MYLK4: variants seen among roughly 807,000 people sequenced by gnomAD.
MYLK4 encodes the protein myosin light chain kinase family member 4.
Under a neutral mutation model 48.1 loss-of-function variants are expected in MYLK4, and 46 were observed. The observed-to-expected ratio is 0.96, with a 90% confidence interval of 0.75 to 1.22. MYLK4 has a LOEUF of 1.22. Among genes scored for constraint, MYLK4 ranks in the 50% most tolerant of loss-of-function variants. The pLI, the probability that MYLK4 is intolerant of heterozygous loss-of-function variation, is 0.00. For missense variants in MYLK4, 451 were observed against 486.1 expected (o/e 0.93, Z 0.68); for synonymous variants, 170 against 180.8 (o/e 0.94, Z 0.48).
chr6:2,765,914 G>C, the MYLK4 span: 1 of 1,455,740 alleles, frequency 6.9e-7, no homozygotes, highest in African/African-American at 1.5e-5. Flanking sequence ...CGAGGGTGAG[G>C]AGGGCGACGA....
chr6:2,723,545 C>T (rs1230665725), intron 2 of MYLK4, among the ~76,000 whole-genome samples: 3 of 152,256 alleles, frequency 2.0e-5, no homozygotes, highest in Admixed American at 6.5e-5. Flanking sequence ...CTCTCGCCCT[C>T]GCTGGCACCC....
At chr6:2,765,414 G>C in the MYLK4 span, 8 of 465,466 alleles carry the variant, frequency 1.7e-5, no homozygotes, top group African/African-American at 1.4e-4. Context: ...CACGCCGCGT[G>C]AGGCGCTGCC....
At chr6:2,687,785 G>C (rs1454770024) in intron 4 of MYLK4, among the ~76,000 whole-genome samples, 2 of 152,202 alleles carry the variant, frequency 1.3e-5, no homozygotes, top group Non-Finnish European at 2.9e-5. Context: ...ACTCCCTGAA[G>C]ACCACTTGCA....
chr6:2,750,661 A>T (rs1764261839), intron 1 of MYLK4, 75 bp downstream of exon 1: 1 of 152,230 alleles, frequency 6.6e-6, no homozygotes, highest in South Asian at 2.1e-4. Context: ...AGTTTGGTAC[A>T]ATTTGTTATT....
intron 2 of MYLK4, among the ~76,000 whole-genome samples, chr6:2,730,034 A>G (rs1010879294): frequency 6.6e-6 from 1 of 152,244 alleles, no homozygotes; most frequent in African/African-American, 2.4e-5. Context: ...TTTCAGATAA[A>G]ATGTCAGTGG....
intron 9 of MYLK4, among the ~76,000 whole-genome samples, chr6:2,678,711 G>GTT (rs11344815): frequency 0.07 from 9,235 of 132,236 alleles, 492 homozygotes; most frequent in Non-Finnish European, 0.083. Context: ...TAGGAGATCA[G>GTT]TTTTTTTTTT....
At chr6:2,740,749 C>G (rs1763872905) in intron 2 of MYLK4, among the ~76,000 whole-genome samples, 1 of 152,240 alleles carries the variant, frequency 6.6e-6, no homozygotes, top group Non-Finnish European at 1.5e-5. Context: ...TAAACTTTAC[C>G]TGTTCCTCAT....
At chr6:2,696,593 C>T (rs1377325213) in intron 2 of MYLK4, among the ~76,000 whole-genome samples, 2 of 152,228 alleles carry the variant, frequency 1.3e-5, no homozygotes, top group Non-Finnish European at 1.5e-5. Flanking sequence ...GCCCCCAGAA[C>T]TGTGAGAAAT....
At chr6:2,700,757 T>C (rs964393815) in intron 2 of MYLK4, among the ~76,000 whole-genome samples, 1 of 152,218 alleles carries the variant, frequency 6.6e-6, no homozygotes, top group African/African-American at 2.4e-5. Flanking sequence ...CCTGAAAGCT[T>C]TCTGCCTTGC....
At chr6:2,709,654 T>C (rs998038118) in intron 2 of MYLK4, among the ~76,000 whole-genome samples, 2 of 152,230 alleles carry the variant, frequency 1.3e-5, no homozygotes, top group African/African-American at 4.8e-5. Flanking sequence ...ACCTATGTGA[T>C]TCCAACATTC....
the MYLK4 span, among the ~76,000 whole-genome samples, chr6:2,757,345 G>A: frequency 6.6e-6 from 1 of 152,144 alleles, no homozygotes; most frequent in African/African-American, 2.4e-5. Flanking sequence ...AACATCTTCA[G>A]TGTGAATGAA....
rs1261045203 is a variant in MYLK4 at position 2,685,384 on chromosome 6, T to G, written c.457A>C (p.Ser153Arg). Residue 153 changes from serine to arginine, a missense_variant, in exon 6 of 13, where the codon AGC (serine) becomes CGC (arginine). Coordinates refer to ENST00000274643, the MANE Select transcript of MYLK4 (RefSeq NM_001012418.5). This position sits in a 1 kb window ranked among gnomAD's most constrained non-coding sequence, Gnocchi z 4.5. ...GCGTGGTCCAGCTGGTTCATGACGC[T>G]GATCTCGTTCTTCACCTCCTCCTGA... is the stretch of plus-strand genomic sequence containing the variant. ...KDKEEVKNEI[S>R]VMNQLDHANL... 1.2e-6 allele frequency: 2 copies of G among 1,613,622 alleles called. No homozygotes were observed.
At chr6:2,677,984 A>G (rs1761141457) in intron 10 of MYLK4, among the ~76,000 whole-genome samples, 1 of 152,212 alleles carries the variant, frequency 6.6e-6, no homozygotes. Flanking sequence ...GCAGGAGTCC[A>G]TGGCTGGTAT....
chr6:2,719,497 A>G (rs547755723), intron 2 of MYLK4, among the ~76,000 whole-genome samples: 2 of 152,336 alleles, frequency 1.3e-5, no homozygotes, highest in African/African-American at 4.8e-5. Context: ...CTACCCAGCT[A>G]CAGAAGGGTC....
At chr6:2,732,166 C>T (rs542917198) in intron 2 of MYLK4, among the ~76,000 whole-genome samples, 50 of 152,286 alleles carry the variant, frequency 3.3e-4, no homozygotes, top group Non-Finnish European at 5.1e-4. Flanking sequence ...CCAGCTTCCA[C>T]GAAATGATAA....
At chr6:2,680,503 C>T (rs1048975888) in intron 7 of MYLK4, 4 of 985,312 alleles carry the variant, frequency 4.1e-6, no homozygotes, top group Non-Finnish European at 4.8e-6. Flanking sequence ...CCAGCCTGTC[C>T]TCTGCACGGC....
chr6:2,724,631 G>A (rs1341463520), intron 2 of MYLK4, among the ~76,000 whole-genome samples: 2 of 152,078 alleles, frequency 1.3e-5, no homozygotes, highest in African/African-American at 2.4e-5. Context: ...CAAGACATTT[G>A]AGCCTACTCC....
At chr6:2,725,593 A>AAGAAAGAAAAAG (rs1561868221) in intron 2 of MYLK4, among the ~76,000 whole-genome samples, 1 of 143,524 alleles carries the variant, frequency 7.0e-6, no homozygotes, top group African/African-American at 2.7e-5. Context: ...AAGAGAAAGA[A>AAGAAAGAAAAAG]AGAAAGAAAG....
intron 2 of MYLK4, among the ~76,000 whole-genome samples, chr6:2,736,651 T>C (rs1426315598): frequency 6.6e-6 from 1 of 152,230 alleles, no homozygotes; most frequent in African/African-American, 2.4e-5. Flanking sequence ...TGGCTTTCCA[T>C]TCTTCCTGAC....
Sources: allele counts gnomAD v4.1 joint callset (sites outside exome capture counted in the v4.1 genomes callset), GRCh38; gene constraint gnomAD v4.1.1; non-coding constraint Gnocchi (gnomAD v3.1); transcripts MANE v1.5; gene names NCBI Gene and HGNC (gene_info 2026-07-23, HGNC 2026-07-21).